LRRC4C: variants seen among roughly 807,000 people sequenced by gnomAD.
LRRC4C encodes the protein leucine rich repeat containing 4C.
LRRC4C carries 5 observed loss-of-function variants against 33.6 expected under a neutral mutation model. The ratio of observed to expected loss-of-function variants is 0.15; its 90% CI spans 0.08 to 0.31. The LOEUF (loss-of-function observed/expected upper bound fraction) is 0.31. LRRC4C is among the 10% of genes least tolerant of loss of function. The probability of loss-of-function intolerance (pLI) is 1.00; values close to 1 mark genes in which losing one functional copy is unlikely to be tolerated. For missense variants in LRRC4C, 560 were observed against 796.7 expected (o/e 0.70, Z 3.58); for synonymous variants, 329 against 302.0 (o/e 1.09, Z -0.93).
chr11:40,247,974 T>A (rs4755541), intron 4 of LRRC4C, among the ~76,000 whole-genome samples: 114,153 of 152,132 alleles, frequency 0.75, 46,550 homozygotes, highest in East Asian at 0.95. Flanking sequence ...AAAATCCACA[T>A]AAAGAAAAAT....
intron 1 of LRRC4C, among the ~76,000 whole-genome samples, chr11:41,007,952 A>G (rs115658429): frequency 2.2e-3 from 336 of 152,078 alleles, no homozygotes; most frequent in African/African-American, 7.9e-3. Context: ...CTTAAATCCA[A>G]TCTCCATCTT....
intron 3 of LRRC4C, among the ~76,000 whole-genome samples, chr11:40,578,169 T>TTTTTTTTTTTTTTG: frequency 7.6e-6 from 1 of 131,830 alleles, no homozygotes; most frequent in Non-Finnish European, 1.6e-5. Flanking sequence ...TTTTTTTTTT[T>TTTTTTTTTTTTTTG]TGCCTCTTAA....
chr11:40,576,761 G>A (rs558878491), intron 3 of LRRC4C, among the ~76,000 whole-genome samples: 4 of 152,088 alleles, frequency 2.6e-5, no homozygotes, highest in East Asian at 1.9e-4. Flanking sequence ...ATGATTATTC[G>A]TTCCTCTGTT....
At chr11:40,492,806 C>G (rs956383832) in intron 3 of LRRC4C, among the ~76,000 whole-genome samples, 1 of 152,082 alleles carries the variant, frequency 6.6e-6, no homozygotes, top group Admixed American at 6.6e-5. Flanking sequence ...TCTATATATA[C>G]AGATATCTGC....
At chr11:40,696,758 A>ATATATG in intron 2 of LRRC4C, among the ~76,000 whole-genome samples, 1 of 138,814 alleles carries the variant, frequency 7.2e-6, no homozygotes, top group South Asian at 2.2e-4. Flanking sequence ...GTATATATAT[A>ATATATG]TATATATATA....
chr11:40,318,353 C>A (rs1306086351), intron 4 of LRRC4C, among the ~76,000 whole-genome samples: 1 of 151,904 alleles, frequency 6.6e-6, no homozygotes, highest in Admixed American at 6.6e-5. Flanking sequence ...GTAAAATGAT[C>A]AAAATAAACC....
At chr11:40,711,053 G>T (rs891784356) in intron 2 of LRRC4C, among the ~76,000 whole-genome samples, 4 of 152,178 alleles carry the variant, frequency 2.6e-5, no homozygotes, top group African/African-American at 7.2e-5. Context: ...CTGGAAAAGT[G>T]CAGTGTTTAG....
chr11:40,793,037 A>C (rs1950688637), intron 2 of LRRC4C, among the ~76,000 whole-genome samples: 1 of 152,124 alleles, frequency 6.6e-6, no homozygotes, highest in Non-Finnish European at 1.5e-5. Flanking sequence ...ACCTAATGTA[A>C]ATGATGAGTT....
intron 2 of LRRC4C, among the ~76,000 whole-genome samples, chr11:40,857,942 G>C (rs1953871056): frequency 1.2e-5 from 1 of 84,434 alleles, no homozygotes; most frequent in African/African-American, 4.3e-5. Flanking sequence ...AGAAAGGAAA[G>C]GAAAGAAAGG....
chr11:40,130,482 A>C (rs1856571130), intron 6 of LRRC4C, among the ~76,000 whole-genome samples: 1 of 152,114 alleles, frequency 6.6e-6, no homozygotes, highest in Non-Finnish European at 1.5e-5. Flanking sequence ...CATTTTGCAG[A>C]CTTAGTGTAA....
At chr11:40,476,407 G>T (rs558653215) in intron 3 of LRRC4C, among the ~76,000 whole-genome samples, 1 of 132,124 alleles carries the variant, frequency 7.6e-6, no homozygotes, top group South Asian at 2.5e-4. Context: ...GTGTAGTGGT[G>T]TGATCTCAGC....
intron 3 of LRRC4C, among the ~76,000 whole-genome samples, chr11:40,545,364 T>A (rs953844942): frequency 2.6e-5 from 4 of 152,024 alleles, no homozygotes; most frequent in African/African-American, 9.7e-5. Flanking sequence ...CTTCTTCCAT[T>A]ACTTTCAAGC....
chr11:41,339,172 A>G lies in LRRC4C; in HGVS notation c.-496+120259T>C, dbSNP rs79775163. On this transcript the variant is annotated intron_variant, in intron 1 of 6. Coordinates refer to ENST00000528697, the MANE Select transcript of LRRC4C (RefSeq NM_001258419.2). ...CTACTTCATTGGTCTTCACTTTATG[A>G]TATTGCTAGATGCTACAGAGGTAAA... 3.7e-3 allele frequency among the ~76,000 whole-genome samples: 561 copies of G among 152,288 alleles called. 3 individuals carry two copies. Among genetic ancestry groups the G allele is most frequent in the African/African-American group, 0.013 (521 of 41,570 alleles).
In LRRC4C at chr11:40,115,587, G is replaced by A; in HGVS notation, c.706C>T (p.Pro236Ser). ...TGCATCAAACCCTGGAAAGAGCCAG[G>A]CCTGATGGCAGATAAATGATTCCCA... Reference protein sequence around the residue: ...LSGNHLSAIRPGSFQGLMHLQ... With the variant: ...LSGNHLSAIRSGSFQGLMHLQ... Residue 236 changes from proline (P) to serine (S), a missense_variant, in exon 7 of 7, where the codon CCT (proline) becomes TCT (serine). By Grantham distance (74) the Pro-to-Ser change is moderately conservative. Around this residue, in one of 3 missense-constraint regions of LRRC4C, gnomAD observed 455 missense variants for 643.8 expected, o/e 0.71. Transcript: ENST00000528697. The surrounding 1 kb of genome is among the most constrained non-coding windows in gnomAD (Gnocchi z 6.7). 6.2e-7 allele frequency: 1 copy of A among 1,614,136 alleles called. No individual in the cohort carries two copies. The highest frequency in any genetic ancestry group is 8.5e-7 in the Non-Finnish European group (1 of 1,180,030).
intron 1 of LRRC4C, among the ~76,000 whole-genome samples, chr11:41,195,757 G>A (rs1450971392): frequency 6.6e-6 from 1 of 152,104 alleles, no homozygotes; most frequent in Non-Finnish European, 1.5e-5. Flanking sequence ...AGTGTAAAAG[G>A]AGCAAGTTTT....
At chr11:40,346,650 G>A (rs768592071) in intron 3 of LRRC4C, among the ~76,000 whole-genome samples, 19 of 152,090 alleles carry the variant, frequency 1.2e-4, no homozygotes, top group Admixed American at 2.6e-4. Context: ...AAATCCCCAC[G>A]ATACAAGTTT....
At chr11:40,792,277 T>C (rs572399265) in intron 2 of LRRC4C, among the ~76,000 whole-genome samples, 19 of 152,194 alleles carry the variant, frequency 1.2e-4, no homozygotes, top group African/African-American at 4.6e-4. Flanking sequence ...ACAAAATCAA[T>C]ATTTTCTTTA....
chr11:40,414,610 C>T (rs966362859), intron 3 of LRRC4C, among the ~76,000 whole-genome samples: 1 of 151,940 alleles, frequency 6.6e-6, no homozygotes, highest in Non-Finnish European at 1.5e-5. Context: ...TCTCTATTGG[C>T]TTTGACACAG....
intron 3 of LRRC4C, among the ~76,000 whole-genome samples, chr11:40,371,512 G>A (rs1473222717): frequency 6.6e-6 from 1 of 152,152 alleles, no homozygotes; most frequent in Non-Finnish European, 1.5e-5. Context: ...GAGTGTAAAT[G>A]GTTATAGACC....
Sources: allele counts gnomAD v4.1 joint callset (sites outside exome capture counted in the v4.1 genomes callset), GRCh38; gene constraint gnomAD v4.1.1; regional missense constraint gnomAD v4.1.1; non-coding constraint Gnocchi (gnomAD v3.1); transcripts MANE v1.5; gene names NCBI Gene and HGNC (gene_info 2026-07-23, HGNC 2026-07-21).